KANK1: variants seen among roughly 807,000 people sequenced by gnomAD.
KANK1 encodes KN motif and ankyrin repeat domain-containing protein 1.
A neutral mutation model predicts 106.2 loss-of-function variants in KANK1; 109 were observed. That is an observed-to-expected ratio of 1.03 (90% confidence interval 0.88 to 1.20). KANK1 has a LOEUF of 1.20. KANK1 is among the 50% of genes most tolerant of loss of function. The pLI is 0.00. For missense variants in KANK1, 2,399 were observed against 1,710.7 expected (o/e 1.40, Z -7.10); for synonymous variants, 873 against 652.2 (o/e 1.34, Z -5.16).
At chr9:616,148 G>A (rs7856340) in intron 1 of KANK1, among the ~76,000 whole-genome samples, 9,544 of 152,210 alleles carry the variant, frequency 0.063, 358 homozygotes, top group African/African-American at 0.1. Flanking sequence ...CAATCAACAA[G>A]ATGAAATTTT....
chr9:697,619 C>T (rs191229697), intron 2 of KANK1, among the ~76,000 whole-genome samples: 370 of 152,136 alleles, frequency 2.4e-3, no homozygotes, highest in African/African-American at 8.1e-3. Flanking sequence ...ATAATTGGTC[C>T]ATGGTGATTT....
At chr9:690,763 A>G (rs987023438) in intron 2 of KANK1, among the ~76,000 whole-genome samples, 8 of 152,192 alleles carry the variant, frequency 5.3e-5, no homozygotes, top group African/African-American at 1.9e-4. Flanking sequence ...GTTAAGTGTA[A>G]GAACTGAAGG....
At chr9:677,638 T>C (rs182825514) in intron 2 of KANK1, 4 of 152,210 alleles carry the variant, frequency 2.6e-5, no homozygotes, top group Non-Finnish European at 2.9e-5. Context: ...CACATCACCA[T>C]AGGGACAACC....
chr9:550,640 A>T (rs1180082770), intron 1 of KANK1, among the ~76,000 whole-genome samples: 2 of 152,154 alleles, frequency 1.3e-5, no homozygotes, highest in African/African-American at 2.4e-5. Flanking sequence ...ATTGTCAGAA[A>T]GTGATTTGTT....
intron 1 of KANK1, among the ~76,000 whole-genome samples, chr9:675,948 G>A (rs1026635432): frequency 6.6e-6 from 1 of 152,146 alleles, no homozygotes; most frequent in African/African-American, 2.4e-5. Context: ...AGACCATATA[G>A]GATAACTTCC....
chr9:501,568 AT>A (rs2058551949), upstream of KANK1, among the ~76,000 whole-genome samples: 1 of 152,036 alleles, frequency 6.6e-6, no homozygotes, highest in Admixed American at 6.6e-5. Flanking sequence ...CAGCTAAAAT[AT>A]GGTTCATTGT....
intron 2 of KANK1, among the ~76,000 whole-genome samples, chr9:472,821 G>A (rs2058043639): frequency 6.6e-6 from 1 of 152,214 alleles, no homozygotes; most frequent in African/African-American, 2.4e-5. Flanking sequence ...AGGCATGACA[G>A]CCAGGCTTCC....
intron 1 of KANK1, among the ~76,000 whole-genome samples, chr9:609,942 T>C (rs1830188179): frequency 6.6e-6 from 1 of 152,152 alleles, no homozygotes; most frequent in Non-Finnish European, 1.5e-5. Context: ...ATTTATGTGG[T>C]TTGATTTTTA....
chr9:636,984 A>T (rs1837298429), intron 1 of KANK1, among the ~76,000 whole-genome samples: 1 of 152,208 alleles, frequency 6.6e-6, no homozygotes, highest in Admixed American at 6.5e-5. Context: ...GTAGTCCCCT[A>T]TTCAAAACTT....
chr9:538,565 CTTAA>C (rs2133773022), intron 1 of KANK1, among the ~76,000 whole-genome samples: 1 of 152,302 alleles, frequency 6.6e-6, no homozygotes, highest in South Asian at 2.1e-4. Context: ...ACAGTCCTAA[CTTAA>C]TTATAGATAC....
intron 3 of KANK1, among the ~76,000 whole-genome samples, chr9:727,816 A>C (rs149783894): frequency 6.6e-6 from 1 of 152,182 alleles, no homozygotes; most frequent in East Asian, 1.9e-4. Flanking sequence ...ACATTTTTCC[A>C]CATCACCCAC....
intron 1 of KANK1, among the ~76,000 whole-genome samples, chr9:665,901 C>T (rs1335897293): frequency 2.0e-5 from 3 of 152,016 alleles, no homozygotes; most frequent in Non-Finnish European, 4.4e-5. Flanking sequence ...TCTCAGGGGC[C>T]AGGCACAGTG....
At chr9:726,165 G>C (rs1450636684) in intron 3 of KANK1, among the ~76,000 whole-genome samples, 1 of 151,468 alleles carries the variant, frequency 6.6e-6, no homozygotes, top group Non-Finnish European at 1.5e-5. Context: ...TCAAACAAAA[G>C]ACTTCAGATT....
At chr9:569,956 A>G (rs1360892335) in intron 1 of KANK1, among the ~76,000 whole-genome samples, 4 of 152,068 alleles carry the variant, frequency 2.6e-5, no homozygotes, top group Non-Finnish European at 5.9e-5. Flanking sequence ...GTTTTCATTC[A>G]TTATACACCT....
intron 2 of KANK1, among the ~76,000 whole-genome samples, chr9:680,189 C>T (rs1419024745): frequency 1.3e-5 from 2 of 152,120 alleles, no homozygotes; most frequent in African/African-American, 4.8e-5. Flanking sequence ...ACGATGGAGT[C>T]AGGGCAGTGG....
At chr9:638,974 T>C (rs1042362697) in intron 1 of KANK1, among the ~76,000 whole-genome samples, 2 of 152,218 alleles carry the variant, frequency 1.3e-5, no homozygotes, top group African/African-American at 4.8e-5. Context: ...TTTTAATATG[T>C]TCACCTGAGC....
chr9:570,127 CTG>C (rs2134780215), intron 1 of KANK1, among the ~76,000 whole-genome samples: 2 of 152,220 alleles, frequency 1.3e-5, no homozygotes, highest in South Asian at 4.1e-4. Flanking sequence ...TTGTTTTAAT[CTG>C]TGCTTGGAGA....
chr9:632,050 C>G (rs1228152209), intron 1 of KANK1, among the ~76,000 whole-genome samples: 3 of 152,134 alleles, frequency 2.0e-5, no homozygotes, highest in Non-Finnish European at 4.4e-5. Context: ...TCCCTGTCTC[C>G]GTAGCATTGT....
intron 1 of KANK1, among the ~76,000 whole-genome samples, chr9:628,999 G>A (rs539822559): frequency 1.3e-5 from 2 of 149,568 alleles, no homozygotes; most frequent in South Asian, 4.2e-4. Flanking sequence ...AGAATCACTT[G>A]AACCCAGGAG....
Sources: gnomAD v4.1 joint callset for allele counts (sites outside exome capture counted in the v4.1 genomes callset) on GRCh38, gnomAD v4.1.1 for gene constraint, MANE v1.5 for transcripts, NCBI Gene and HGNC (gene_info 2026-07-23, HGNC 2026-07-21) for gene names.